The following SGCZ variants were observed in gnomAD, a reference collection of about 807,000 sequenced individuals.
SGCZ encodes zeta-sarcoglycan.
A neutral mutation model predicts 41.3 loss-of-function variants in SGCZ; 40 were observed. That is an observed-to-expected ratio of 0.97 (90% CI 0.75 to 1.26). The LOEUF (loss-of-function observed/expected upper bound fraction) is 1.26, where lower values mean the gene tolerates loss of function less well. Ranked by LOEUF, SGCZ falls within the 50% of genes most tolerant of loss-of-function variation. The probability of loss-of-function intolerance (pLI) is 0.00; values close to 1 mark genes in which losing one functional copy is unlikely to be tolerated. For missense variants in SGCZ, 552 were observed against 369.8 expected, an observed-to-expected ratio of 1.49 and a Z score of -4.04; for synonymous variants, 206 against 137.5, an observed-to-expected ratio of 1.50 and a Z score of -3.49.
At chr8:14,594,166 C>T (rs978889794) in intron 1 of SGCZ, among the ~76,000 whole-genome samples, 1 of 145,746 alleles carries the variant, frequency 6.9e-6, no homozygotes, top group Admixed American at 7.1e-5. Flanking sequence ...CAGAGCAAGA[C>T]TCCATCTCAA....
chr8:14,595,263 G>A (rs987137281), intron 1 of SGCZ, among the ~76,000 whole-genome samples: 1 of 152,116 alleles, frequency 6.6e-6, no homozygotes, highest in East Asian at 1.9e-4. Context: ...CAAAATAACA[G>A]TATTTTTTTG....
At chr8:14,095,376 A>G (rs995648423) in intron 7 of SGCZ, among the ~76,000 whole-genome samples, 4 of 152,216 alleles carry the variant, frequency 2.6e-5, no homozygotes, top group African/African-American at 9.7e-5. Flanking sequence ...TTTATTAAAT[A>G]GGGAATCCTT....
At chr8:14,602,493 T>G (rs1805625052) in intron 1 of SGCZ, among the ~76,000 whole-genome samples, 1 of 152,080 alleles carries the variant, frequency 6.6e-6, no homozygotes, top group Non-Finnish European at 1.5e-5. Context: ...AAGGCCAGCC[T>G]GGGCAACATA....
intron 1 of SGCZ, among the ~76,000 whole-genome samples, chr8:14,907,597 T>A (rs532389285): frequency 6.6e-6 from 1 of 152,268 alleles, no homozygotes; most frequent in East Asian, 1.9e-4. Context: ...ATCCCAGCAC[T>A]TTGGGAAGCC....
At chr8:14,240,421 T>A (rs1330400561) in intron 3 of SGCZ, among the ~76,000 whole-genome samples, 2 of 151,894 alleles carry the variant, frequency 1.3e-5, no homozygotes, top group African/African-American at 4.8e-5. Flanking sequence ...CTCCTTTTAC[T>A]CTAACCGCAG....
At chr8:14,164,514 G>T in intron 5 of SGCZ, 66 bp downstream of exon 5, 1 of 1,580,156 alleles carries the variant, frequency 6.3e-7, no homozygotes, top group Non-Finnish European at 8.6e-7. Flanking sequence ...TTATTAAGAA[G>T]CTCCTTGTGC....
rs566616183 is a variant in SGCZ, at chr8:14,457,424, C to A, written c.234+97308G>T. 3.7e-4 allele frequency among the ~76,000 whole-genome samples: 56 copies of A among 152,290 alleles called. 1 individual carries two copies. The highest frequency in any genetic ancestry group is 6.5e-4 in the Admixed American group (10 of 15,300). On this transcript the variant is annotated intron_variant, in intron 2 of 7. Transcript: ENST00000382080. ...GAACAACACCCGCTACTTAGCAGAC[C>A]GGGAAAAGAGGGGGTCTCCCTTTCC... is the stretch of plus-strand genomic sequence containing the variant.
chr8:14,472,564 T>TTGATGTTTAAAC (rs1801243219), intron 2 of SGCZ, among the ~76,000 whole-genome samples: 1 of 152,130 alleles, frequency 6.6e-6, no homozygotes, highest in Non-Finnish European at 1.5e-5. Flanking sequence ...TACTGGGATA[T>TTGATGTTTAAAC]CATTACATTA....
intron 3 of SGCZ, among the ~76,000 whole-genome samples, chr8:14,279,533 C>A (rs1298934307): frequency 2.6e-5 from 4 of 151,766 alleles, no homozygotes; most frequent in East Asian, 1.9e-4. Flanking sequence ...TATCTACTAT[C>A]TCTTCACAAC....
chr8:14,552,913 T>C (rs1439830396), intron 2 of SGCZ, among the ~76,000 whole-genome samples: 1 of 152,094 alleles, frequency 6.6e-6, no homozygotes, highest in African/African-American at 2.4e-5. Flanking sequence ...TGAGAGAGCT[T>C]GTCGCATCAT....
chr8:15,234,899 CTAAACTAT>C (rs1802074368), intron 1 of SGCZ, among the ~76,000 whole-genome samples: 3 of 145,770 alleles, frequency 2.1e-5, no homozygotes, highest in African/African-American at 8.4e-5. Context: ...TAAAACTAAG[CTAAACTAT>C]ATTTTTATAC....
chr8:14,318,932 C>G (rs1411212184), intron 3 of SGCZ, among the ~76,000 whole-genome samples: 1 of 139,918 alleles, frequency 7.1e-6, no homozygotes, highest in Non-Finnish European at 1.5e-5. Context: ...CTGAGATTCA[C>G]TATTATACAA....
intron 1 of SGCZ, among the ~76,000 whole-genome samples, chr8:15,012,490 T>A (rs999836080): frequency 2.6e-4 from 37 of 142,126 alleles, no homozygotes; most frequent in Admixed American, 8.9e-4. Flanking sequence ...TATATATATA[T>A]AAAATAAATG....
rs571362461 is a variant in SGCZ, at chr8:14,417,206, TG to T, written c.235-93003del. 1.2e-3 allele frequency among the ~76,000 whole-genome samples: 189 copies of T among 152,050 alleles called. 1 individual carries two copies. The highest frequency in any genetic ancestry group is 3.8e-3 in the African/African-American group (158 of 41,548). The stretch of plus-strand genomic sequence containing the variant: ...TGTAACATGGAAGAAGTGTGAATGC[TG>T]ACCTAAGCGATCTTCAACTCAGTTC... On this transcript the variant is annotated intron_variant, in intron 2 of 7. Transcript: ENST00000382080.
chr8:14,161,399 G>A (rs1804041482), intron 5 of SGCZ: 1 of 152,152 alleles, frequency 6.6e-6, no homozygotes, highest in Non-Finnish European at 1.5e-5. Flanking sequence ...GTGCCTATGT[G>A]TATGTTTGTG....
At chr8:14,985,802 G>A (rs1801809505) in intron 1 of SGCZ, among the ~76,000 whole-genome samples, 1 of 152,148 alleles carries the variant, frequency 6.6e-6, no homozygotes, top group South Asian at 2.1e-4. Context: ...CTTACTCATT[G>A]AATATTTAGT....
chr8:15,167,106 G>A (rs1271814607), intron 1 of SGCZ, among the ~76,000 whole-genome samples: 1 of 152,092 alleles, frequency 6.6e-6, no homozygotes, highest in Non-Finnish European at 1.5e-5. Flanking sequence ...TCAAAATTTG[G>A]AGTATGTTTG....
intron 2 of SGCZ, among the ~76,000 whole-genome samples, chr8:14,492,850 G>T (rs1459497109): frequency 6.6e-6 from 1 of 152,102 alleles, no homozygotes; most frequent in Non-Finnish European, 1.5e-5. Flanking sequence ...ACCTACACCT[G>T]ACATCTCAGT....
Position 14,221,490 on chromosome 8 carries a change from C to A in SGCZ, c.424+16102G>T, listed in dbSNP as rs1001251139. 2.6e-5 allele frequency among the ~76,000 whole-genome samples: 4 copies of A among 152,240 alleles called. No individual in the cohort carries two copies. The South Asian group carries it at 6.2e-4, about 24-fold the overall frequency. On this transcript the variant is annotated intron_variant, in intron 4 of 7. Transcript: ENST00000382080. ...CTCTTAAGTCAAAATAATACTGAAC[C>A]AATGCACTGAAATAAAAATACTAGC... is the stretch of plus-strand genomic sequence containing the variant.
Sources: gnomAD v4.1 joint callset for allele counts (sites outside exome capture counted in the v4.1 genomes callset) on GRCh38, gnomAD v4.1.1 for gene constraint, MANE v1.5 for transcripts, NCBI Gene and HGNC (gene_info 2026-07-23, HGNC 2026-07-21) for gene names.